The following LRP6 variants were observed in gnomAD, a reference collection of about 807,000 sequenced individuals.
LRP6 encodes the protein low-density lipoprotein receptor-related protein 6.
A neutral mutation model predicts 184.1 loss-of-function variants in LRP6; 43 were observed. The observed-to-expected ratio is 0.23, with a 90% CI of 0.18 to 0.30. The LOEUF (loss-of-function observed/expected upper bound fraction) is 0.30, where lower values mean the gene tolerates loss of function less well. Among genes scored for constraint, LRP6 ranks in the 10% least tolerant of loss-of-function variants. LRP6 has a pLI of 1.00. For synonymous variants in LRP6, 719 were observed against 684.9 expected (o/e 1.05, Z -0.78); for missense variants, 1,571 against 2,005.3 (o/e 0.78, Z 4.14).
At chr12:12,125,577 A>G in intron 20 of LRP6, 145 bp from the exon 21 acceptor site, 3 of 770,998 alleles carry the variant, frequency 3.9e-6, no homozygotes, top group Non-Finnish European at 6.4e-6. Flanking sequence ...TATAATTGAA[A>G]ACATTTAATG....
At chr12:12,168,091 T>C (rs1193828946) in intron 7 of LRP6, among the ~76,000 whole-genome samples, 1 of 152,058 alleles carries the variant, frequency 6.6e-6, no homozygotes, top group African/African-American at 2.4e-5. Context: ...TGAGTACACT[T>C]TTGCTGCTCT....
intron 2 of LRP6, 105 bp from the exon 3 acceptor site, chr12:12,203,505 A>T: frequency 1.1e-6 from 1 of 893,428 alleles, no homozygotes; most frequent in South Asian, 1.4e-5. Flanking sequence ...AGTGGCTCAC[A>T]CTTGTAATCC....
intron 2 of LRP6, among the ~76,000 whole-genome samples, chr12:12,207,719 T>C (rs1421463662): frequency 6.6e-6 from 1 of 152,128 alleles, no homozygotes; most frequent in Non-Finnish European, 1.5e-5. Context: ...GCTGTCTGCA[T>C]GTGTAACGCT....
chr12:12,179,293 T>C (rs533551166), intron 7 of LRP6, among the ~76,000 whole-genome samples: 39 of 152,134 alleles, frequency 2.6e-4, no homozygotes, highest in African/African-American at 9.4e-4. Flanking sequence ...TTTAAAATTG[T>C]TTGCATGTAA....
At chr12:12,225,704 G>A (rs374041098) in intron 2 of LRP6, among the ~76,000 whole-genome samples, 17 of 151,418 alleles carry the variant, frequency 1.1e-4, no homozygotes, top group Non-Finnish European at 2.2e-4. Flanking sequence ...AAACCCCATC[G>A]CTACTAAAAA....
chr12:12,239,141 G>A (rs969551155), intron 2 of LRP6, among the ~76,000 whole-genome samples: 8 of 152,264 alleles, frequency 5.3e-5, no homozygotes, highest in Admixed American at 4.6e-4. Flanking sequence ...GGATTCAAGG[G>A]ATAGAAAACA....
chr12:12,149,297 T>C, intron 13 of LRP6, 144 bp from the exon 14 acceptor site: 1 of 710,352 alleles, frequency 1.4e-6, no homozygotes, highest in East Asian at 2.6e-5. Context: ...CTGATACCTT[T>C]TTTTATGGGT....
chr12:12,257,812 T>TAAAAAAAAAAAAAA (rs1865507818), intron 1 of LRP6, among the ~76,000 whole-genome samples: 64 of 67,298 alleles, frequency 9.5e-4, no homozygotes, highest in Non-Finnish European at 1.3e-3. Flanking sequence ...AAAAAAAAAT[T>TAAAAAAAAAAAAAA]AAAAATGAGC....
chr12:12,191,133 G>A (rs1271190448), intron 3 of LRP6, among the ~76,000 whole-genome samples: 2 of 152,166 alleles, frequency 1.3e-5, no homozygotes, highest in African/African-American at 4.8e-5. Context: ...CAGCTATGAG[G>A]TGTTCTGGCC....
At chr12:12,259,605 C>T (rs911652707) in intron 1 of LRP6, among the ~76,000 whole-genome samples, 5 of 152,132 alleles carry the variant, frequency 3.3e-5, no homozygotes, top group Non-Finnish European at 5.9e-5. Flanking sequence ...AGTGAGAATA[C>T]TCACTGCCGC....
chr12:12,205,329 C>CAAAAAAAAAAAAAAAAAAAAAAAAAA (rs56169717), intron 2 of LRP6, among the ~76,000 whole-genome samples: 1 of 39,106 alleles, frequency 2.6e-5, no homozygotes, highest in African/African-American at 7.6e-5. Context: ...CTCAAACAAA[C>CAAAAAAAAAAAAAAAAAAAAAAAAAA]AAAAAAAAAA....
chr12:12,166,934 C>T (rs962114410), intron 7 of LRP6, among the ~76,000 whole-genome samples: 1 of 151,976 alleles, frequency 6.6e-6, no homozygotes, highest in Non-Finnish European at 1.5e-5. Flanking sequence ...CCTGTCTCTA[C>T]AAAAATACCA....
chr12:12,256,883 A>T (rs1399144631), intron 1 of LRP6, among the ~76,000 whole-genome samples: 1 of 152,180 alleles, frequency 6.6e-6, no homozygotes. Flanking sequence ...CCAATAATCA[A>T]ACCCACACTC....
In LRP6 at chr12:12,204,147, C is replaced by T. The variant is rs549412506; in HGVS notation, c.450-747G>A. Among the ~76,000 whole-genome samples, 19 of 152,066 alleles carry T rather than the reference C, an allele frequency of 1.2e-4. No homozygotes were observed. In the East Asian group the frequency reaches 3.5e-3, roughly 28 times the overall value. On this transcript the variant is annotated intron_variant, in intron 2 of 22. Transcript: ENST00000261349. ...TTTACAGAACATAGTGTCTTTTATA[C>T]GGTCTCTCTTGCATATTATTCCTGC...
rs368501687 is a variant in LRP6, at chr12:12,159,138, T to C, written c.2482A>G (p.Ile828Val). The C allele has an allele frequency of 4.0e-5, 65 of 1,613,880 alleles. No individual in the cohort carries two copies. The highest frequency in any genetic ancestry group is 5.3e-5 in the Non-Finnish European group (63 of 1,179,970). Residue 828 changes from isoleucine to valine, a missense_variant, in exon 12 of 23, where the codon ATA becomes GTA. Coordinates refer to ENST00000261349, the MANE Select transcript of LRP6 (RefSeq NM_002336.3). ...SNMLGLNREV[I>V]ADDLPHPFGL... ...AAAGGATGAGGCAAGTCATCTGCTA[T>C]AACTTCACGGTTGAGCCCTATTTTC...
At chr12:12,201,853 T>C (rs1463894355) in intron 3 of LRP6, among the ~76,000 whole-genome samples, 1 of 152,224 alleles carries the variant, frequency 6.6e-6, no homozygotes, top group Non-Finnish European at 1.5e-5. Context: ...TCACTCTTTT[T>C]TGAAAGAAGG....
chr12:12,238,240 A>C (rs1386537360), intron 2 of LRP6, among the ~76,000 whole-genome samples: 1 of 151,870 alleles, frequency 6.6e-6, no homozygotes, highest in Non-Finnish European at 1.5e-5. Context: ...AAAAAACAGA[A>C]AGTGGCTCAG....
At chr12:12,155,743 G>A in intron 12 of LRP6, 1 of 1,016,246 alleles carries the variant, frequency 9.8e-7, no homozygotes, top group Non-Finnish European at 1.6e-6. Flanking sequence ...TGAGCTGCTG[G>A]AACCTATTCC....
In LRP6 at chr12:12,187,087, G is replaced by A; in HGVS notation, c.680C>T (p.Pro227Leu). ...QAVVKGSLPHPFALTLFEDIL... is the reference protein window; with the variant it reads ...QAVVKGSLPHLFALTLFEDIL... ...GTCCTCAAATAACGTCAAGGCAAAA[G>A]GATGTGGAAGGGAACCTTTAACCAC... Residue 227 changes from proline to leucine, a missense_variant, in exon 4 of 23, where the codon CCT becomes CTT. Physicochemically the swap from Pro to Leu is moderately conservative, Grantham distance 98. Coordinates refer to ENST00000261349, the MANE Select transcript of LRP6 (RefSeq NM_002336.3). The A allele has an allele frequency of 6.2e-7, 1 of 1,614,104 alleles. No homozygotes were observed. The highest frequency in any genetic ancestry group is 8.5e-7 in the Non-Finnish European group (1 of 1,180,018).
Sources: allele counts gnomAD v4.1 joint callset (sites outside exome capture counted in the v4.1 genomes callset), GRCh38; gene constraint gnomAD v4.1.1; transcripts MANE v1.5; gene names NCBI Gene and HGNC (gene_info 2026-07-23, HGNC 2026-07-21).